Variants in NFIX observed in about 807,000 individuals in gnomAD.
NFIX encodes the protein nuclear factor 1 X-type.
Under a neutral mutation model 53.3 loss-of-function variants are expected in NFIX, and 2 were observed. That is an observed-to-expected ratio of 0.04 (90% confidence interval 0.02 to 0.12). NFIX has a LOEUF of 0.12. NFIX is among the 10% of genes least tolerant of loss of function. The pLI is 1.00. For missense variants in NFIX, 310 were observed against 674.5 expected (o/e 0.46, Z 5.99); for synonymous variants, 244 against 289.0 (o/e 0.84, Z 1.58).
At chr19:13,085,223 C>T (rs1046797301) in intron 8 of NFIX, among the ~76,000 whole-genome samples, 2 of 152,196 alleles carry the variant, frequency 1.3e-5, no homozygotes, top group African/African-American at 2.4e-5. Flanking sequence ...GACATGCCAG[C>T]CTGGTTGGAA....
chr19:13,042,699 A>G (rs914499730), intron 2 of NFIX, among the ~76,000 whole-genome samples: 1 of 152,082 alleles, frequency 6.6e-6, no homozygotes, highest in Non-Finnish European at 1.5e-5. Context: ...ATGAGATTTC[A>G]TCATGCCAGA....
In NFIX at chr19:13,051,914, C is replaced by T. The variant is rs939814019; in HGVS notation, c.560-21133C>T. On this transcript the variant is annotated intron_variant, in intron 2 of 10. Coordinates refer to ENST00000592199, the MANE Select transcript of NFIX (RefSeq NM_001365902.3). The surrounding 1 kb of genome is among the most constrained non-coding windows in gnomAD (Gnocchi z 5.1). ...CGGGAAGGCACTTCTTAGGCGCCGC[C>T]TCCTCCTCACAGCGCCCGCCTTCTC... Among the ~76,000 whole-genome samples the T allele has an allele frequency of 5.7e-4, 87 of 152,316 alleles. No individual in the cohort carries two copies. The highest frequency in any genetic ancestry group is 9.6e-4 in the Non-Finnish European group (65 of 68,028).
At chr19:13,031,622 G>A (rs899836869) in intron 2 of NFIX, among the ~76,000 whole-genome samples, 10 of 152,134 alleles carry the variant, frequency 6.6e-5, no homozygotes, top group African/African-American at 2.2e-4. Context: ...GTAAAGGCCC[G>A]ATGATATCTT....
chr19:13,032,992 G>A (rs1050094002), intron 2 of NFIX, among the ~76,000 whole-genome samples: 5 of 152,268 alleles, frequency 3.3e-5, no homozygotes, highest in Admixed American at 6.5e-5. Context: ...AGGTGGTCAC[G>A]GGCATCAGCA....
In NFIX at chr19:13,078,874, G is replaced by C. The variant is rs1380375032; in HGVS notation, c.1078+139G>C. ...CAAGTGGGCCAAGGTGCAGCAGCGG[G>C]TGGGCATGGGAGCCGGCCCCTGCTT... On this transcript the variant is annotated intron_variant, in intron 7 of 10. Transcript: ENST00000592199. The surrounding 1 kb of genome is among the most constrained non-coding windows in gnomAD (Gnocchi z 4.7). 4 of 1,059,836 alleles carry C rather than the reference G, an allele frequency of 3.8e-6. No individual in the cohort carries two copies. The highest frequency in any genetic ancestry group is 4.0e-6 in the Non-Finnish European group (3 of 759,308). 65.7% of individuals were successfully genotyped at this position (1,059,836 alleles called of 1,614,324 possible). A position where few individuals can be genotyped will look rare whatever the true frequency, so the allele number is the denominator to read the frequency against.
In NFIX at chr19:13,073,220, C is replaced by A; in HGVS notation, c.622+111C>A. On this transcript the variant is annotated intron_variant, in intron 3 of 10. Coordinates refer to ENST00000592199, the MANE Select transcript of NFIX (RefSeq NM_001365902.3). This position sits in a 1 kb window ranked among gnomAD's most constrained non-coding sequence, Gnocchi z 4.5. Reference sequence around the variant, plus strand: ...ACTTCTTCCCCTTCATTCAGCTGTCCCTTGACTGAGCTTAGCTTGCTGTCC... The same window carrying A: ...ACTTCTTCCCCTTCATTCAGCTGTCACTTGACTGAGCTTAGCTTGCTGTCC... 8.9e-7 allele frequency: 1 copy of A among 1,127,158 alleles called. No homozygotes were observed. The highest frequency in any genetic ancestry group is 1.3e-5 in the South Asian group (1 of 79,790). The allele number at this position is 1,127,158 out of a possible 1,614,324, so 69.8% of individuals were successfully genotyped here. A position where few individuals can be genotyped will look rare whatever the true frequency, so the allele number is the denominator to read the frequency against.
intron 8 of NFIX, among the ~76,000 whole-genome samples, chr19:13,087,506 C>T (rs535915039): frequency 1.3e-5 from 2 of 152,166 alleles, no homozygotes; most frequent in African/African-American, 4.8e-5. Context: ...TGGGTGCTGG[C>T]AGGCCTGCCG....
rs2011726222 is a variant in NFIX, at chr19:13,001,943, A to G, written c.27+6079A>G. Among the ~76,000 whole-genome samples, 1 of 152,164 alleles carries G rather than the reference A, an allele frequency of 6.6e-6. No individual in the cohort carries two copies. Among genetic ancestry groups the G allele is most frequent in the Non-Finnish European group, 1.5e-5 (1 of 68,018 alleles). The stretch of plus-strand genomic sequence containing the variant: ...GACAGAAGCCCGTTGTGCGGCAGCG[A>G]GGTGCGGGCGTGTGTTCGGGCCGCC... On this transcript the variant is annotated intron_variant, in intron 1 of 10. Transcript: ENST00000592199. The surrounding 1 kb of genome is among the most constrained non-coding windows in gnomAD (Gnocchi z 6.5).
chr19:13,024,113 C>CAAAAAAAAAAAAAAAAAAACAA, intron 1 of NFIX: 3 of 412,068 alleles, frequency 7.3e-6, no homozygotes, highest in South Asian at 5.4e-5. Flanking sequence ...AGCAAACAAC[C>CAAAAAAAAAAAAAAAAAAACAA]AAAAAAAAAA....
At position 13,012,702 on chromosome 19, in the gene NFIX, A is replaced by G. The variant is rs1008699027; in HGVS notation, c.28-12319A>G. 6.6e-6 allele frequency among the ~76,000 whole-genome samples: 1 copy of G among 152,134 alleles called. No individual in the cohort carries two copies. On this transcript the variant is annotated intron_variant, in intron 1 of 10. Transcript: ENST00000592199. This position sits in a 1 kb window ranked among gnomAD's most constrained non-coding sequence, Gnocchi z 5.0. ...TTGGAGGGCTTTGGCCGTGAATGCG[A>G]TGTTGATGATTGCTGTGATTCTTTG...
chr19:13,009,072 C>T lies in NFIX; in HGVS notation c.27+13208C>T, dbSNP rs1049801208. On this transcript the variant is annotated intron_variant, in intron 1 of 10. Coordinates refer to ENST00000592199, the MANE Select transcript of NFIX (RefSeq NM_001365902.3). The surrounding 1 kb of genome is among the most constrained non-coding windows in gnomAD (Gnocchi z 4.7). Reference sequence around the variant, plus strand: ...TCAACGCCCGCAACACCCCGCCACCCGCAGTCTGTCGCGCAGTGACAGCCT... The same window carrying T: ...TCAACGCCCGCAACACCCCGCCACCTGCAGTCTGTCGCGCAGTGACAGCCT... 1.3e-5 allele frequency among the ~76,000 whole-genome samples: 2 copies of T among 152,222 alleles called. No homozygotes were observed. Among genetic ancestry groups the T allele is most frequent in the Admixed American group, 6.5e-5 (1 of 15,292 alleles).
Position 13,022,762 on chromosome 19 carries a change from A to T in NFIX, c.28-2259A>T, listed in dbSNP as rs1250652623. ...TCAGGCCTTTATTTATTTATTTTTC[A>T]GGCTTAAAAAAAAATTTCGAGTCTT... On this transcript the variant is annotated intron_variant, in intron 1 of 10. Coordinates refer to ENST00000592199, the MANE Select transcript of NFIX (RefSeq NM_001365902.3). The surrounding 1 kb of genome is among the most constrained non-coding windows in gnomAD (Gnocchi z 4.5). Among the ~76,000 whole-genome samples, 2 of 151,836 alleles carry T rather than the reference A, an allele frequency of 1.3e-5. No homozygotes were observed. Among genetic ancestry groups the T allele is most frequent in the Non-Finnish European group, 2.9e-5 (2 of 67,920 alleles).
At position 13,097,097 on chromosome 19, in the gene NFIX, C is replaced by T. The variant is rs765006921; in HGVS notation, c.*2448C>T. 6.6e-6 allele frequency: 1 copy of T among 150,984 alleles called. No individual in the cohort carries two copies. The highest frequency in any genetic ancestry group is 1.5e-5 in the Non-Finnish European group (1 of 67,812). The allele number at this position is 150,984 out of a possible 1,614,324, so 9.4% of individuals were successfully genotyped here. A position where few individuals can be genotyped will look rare whatever the true frequency, so the allele number is the denominator to read the frequency against. ...TATTTTTGTTGTAATGTCCTCGCGG[C>T]TCTGGGGACGCTAAAAGAACCGGGC... On this transcript the variant is annotated 3_prime_UTR_variant, in exon 11 of 11. Coordinates refer to ENST00000592199, the MANE Select transcript of NFIX (RefSeq NM_001365902.3).
chr19:13,049,526 C>T lies in NFIX; in HGVS notation c.560-23521C>T, dbSNP rs1207194507. Among the ~76,000 whole-genome samples, 4 of 151,288 alleles carry T rather than the reference C, an allele frequency of 2.6e-5. No homozygotes were observed. Among genetic ancestry groups the T allele is most frequent in the African/African-American group, 4.9e-5 (2 of 41,114 alleles). ...ATCATACACTATGTGGTCTTCATGT[C>T]GGGCTTCTTTCACGGAGCATAATGT... On this transcript the variant is annotated intron_variant, in intron 2 of 10. Transcript: ENST00000592199. The surrounding 1 kb of genome is among the most constrained non-coding windows in gnomAD (Gnocchi z 4.5).
At position 13,089,961 on chromosome 19, in the gene NFIX, C is replaced by T. The variant is rs2018032886; in HGVS notation, c.1403-338C>T. Among the ~76,000 whole-genome samples the T allele has an allele frequency of 6.6e-6, 1 of 151,898 alleles. No homozygotes were observed. The highest frequency in any genetic ancestry group is 6.6e-5 in the Admixed American group (1 of 15,252). Reference sequence around the variant, plus strand: ...GCCTCACTAGCGGGTGGAACTGGGTCCAGGAGACTTGTCTCAGCCTCCAGG... The same window carrying T: ...GCCTCACTAGCGGGTGGAACTGGGTTCAGGAGACTTGTCTCAGCCTCCAGG... On this transcript the variant is annotated intron_variant, in intron 9 of 10. Coordinates refer to ENST00000592199, the MANE Select transcript of NFIX (RefSeq NM_001365902.3). The surrounding 1 kb of genome is among the most constrained non-coding windows in gnomAD (Gnocchi z 4.8).
chr19:13,077,736 A>G (rs959190749), intron 6 of NFIX, among the ~76,000 whole-genome samples: 1 of 152,116 alleles, frequency 6.6e-6, no homozygotes, highest in Non-Finnish European at 1.5e-5. Flanking sequence ...CACAACCTTA[A>G]AGCTCAGCCC....
chr19:12,997,415 G>A (rs562817169), intron 1 of NFIX, among the ~76,000 whole-genome samples: 1 of 152,186 alleles, frequency 6.6e-6, no homozygotes, highest in East Asian at 1.9e-4. Flanking sequence ...TGTTGGCGAG[G>A]GCGCACCGGC....
Position 13,067,167 on chromosome 19 carries a change from T to G in NFIX, c.560-5880T>G, listed in dbSNP as rs1006935238. Among the ~76,000 whole-genome samples, 3 of 152,188 alleles carry G rather than the reference T, an allele frequency of 2.0e-5. No individual in the cohort carries two copies. Among genetic ancestry groups the G allele is most frequent in the African/African-American group, 7.2e-5 (3 of 41,448 alleles). ...GAGAAGTAGGAGGCGGGTGCAGTGC[T>G]GGGAGGGCCAGTGATTGGCCCCAGA... On this transcript the variant is annotated intron_variant, in intron 2 of 10. Transcript: ENST00000592199. The surrounding 1 kb of genome is among the most constrained non-coding windows in gnomAD (Gnocchi z 4.2).
intron 2 of NFIX, among the ~76,000 whole-genome samples, chr19:13,029,158 G>A (rs1303862288): frequency 1.3e-5 from 2 of 152,060 alleles, no homozygotes; most frequent in Non-Finnish European, 2.9e-5. Flanking sequence ...GCCAGATCAC[G>A]GCCAATCTCA....
Sources: gnomAD v4.1 joint callset for allele counts (sites outside exome capture counted in the v4.1 genomes callset) on GRCh38, gnomAD v4.1.1 for gene constraint, Gnocchi (gnomAD v3.1) non-coding constraint, MANE v1.5 for transcripts, NCBI Gene and HGNC (gene_info 2026-07-23, HGNC 2026-07-21) for gene names.